ESRRG: variants seen among roughly 807,000 people sequenced by gnomAD.
The protein encoded by ESRRG is estrogen related receptor gamma, also known as estrogen-related receptor gamma.
ESRRG carries 13 observed loss-of-function variants against 44.0 expected under a neutral mutation model. The observed-to-expected ratio is 0.30, with a 90% CI of 0.19 to 0.47. The LOEUF (loss-of-function observed/expected upper bound fraction) is 0.47. ESRRG is among the 20% of genes least tolerant of loss of function. The pLI, the probability that ESRRG is intolerant of heterozygous loss-of-function variation, is 1.00. For synonymous variants in ESRRG, 215 were observed against 214.6 expected (o/e 1.00, Z -0.02); for missense variants, 395 against 580.6 (o/e 0.68, Z 3.29).
intron 3 of ESRRG, among the ~76,000 whole-genome samples, chr1:216,634,379 G>GA (rs2064859420): frequency 6.7e-6 from 1 of 149,354 alleles, no homozygotes; most frequent in South Asian, 2.1e-4. Flanking sequence ...TCTCCTGGGG[G>GA]AAAAGATGGG....
intron 1 of ESRRG, among the ~76,000 whole-genome samples, chr1:216,688,946 T>C (rs1461961233): frequency 1.3e-5 from 2 of 152,114 alleles, no homozygotes; most frequent in East Asian, 1.9e-4. Flanking sequence ...AAAACAATTA[T>C]ATATATCTTA....
intron 3 of ESRRG, among the ~76,000 whole-genome samples, chr1:216,646,660 C>T (rs2067651202): frequency 1.3e-5 from 2 of 152,168 alleles, no homozygotes; most frequent in African/African-American, 4.8e-5. Context: ...CCTGCAGTAT[C>T]TCATTGGCTA....
intron 2 of ESRRG, among the ~76,000 whole-genome samples, chr1:216,932,167 G>C (rs1486132907): frequency 6.6e-6 from 1 of 152,188 alleles, no homozygotes; most frequent in Non-Finnish European, 1.5e-5. Flanking sequence ...TTGTACCACT[G>C]CATTCCAGCT....
intron 2 of ESRRG, among the ~76,000 whole-genome samples, chr1:216,820,020 A>C (rs1308296660): frequency 6.6e-6 from 1 of 152,242 alleles, no homozygotes; most frequent in Non-Finnish European, 1.5e-5. Flanking sequence ...AGCGTTCATC[A>C]TTCCATTTAG....
rs11572395 is a variant in ESRRG, at chr1:217,077,175, G to A, written c.-106+12332C>T. ...GTGGTGGCTGAATCCATGGTTACCC[G>A]TTTTTACATTCACTAGTTAAATGGA... On this transcript the variant is annotated intron_variant, in intron 1 of 7. Transcript: ENST00000359162. Among the ~76,000 whole-genome samples, 582 of 152,240 alleles carry A rather than the reference G, an allele frequency of 3.8e-3. 6 individuals are homozygous for A. Among genetic ancestry groups the A allele is most frequent in the African/African-American group, 0.013 (536 of 41,546 alleles).
At chr1:216,511,434 AAAC>A (rs58208125) in intron 6 of ESRRG, among the ~76,000 whole-genome samples, 18 of 151,278 alleles carry the variant, frequency 1.2e-4, no homozygotes, top group South Asian at 4.2e-4. Context: ...ATGATCACAT[AAAC>A]AACAACAACA....
intron 1 of ESRRG, among the ~76,000 whole-genome samples, chr1:217,104,967 T>TG (rs781514308): frequency 8.5e-5 from 13 of 152,192 alleles, no homozygotes; most frequent in Middle Eastern, 3.4e-3. Flanking sequence ...TGAATGATCA[T>TG]GGCTAATCAT....
At chr1:217,131,631 G>A (rs1168886436) in intron 1 of ESRRG, among the ~76,000 whole-genome samples, 1 of 152,212 alleles carries the variant, frequency 6.6e-6, no homozygotes, top group African/African-American at 2.4e-5. Context: ...ATATTGGAGG[G>A]CGCAGAAGAC....
intron 1 of ESRRG, among the ~76,000 whole-genome samples, chr1:217,086,071 A>T (rs1437586580): frequency 6.6e-6 from 1 of 152,232 alleles, no homozygotes; most frequent in Non-Finnish European, 1.5e-5. Flanking sequence ...ATGAATTTTT[A>T]AAAATCACAA....
intron 2 of ESRRG, among the ~76,000 whole-genome samples, chr1:216,794,846 A>G (rs2094431649): frequency 6.6e-6 from 1 of 152,192 alleles, no homozygotes; most frequent in Non-Finnish European, 1.5e-5. Flanking sequence ...CACAAGCTAT[A>G]CCTTCAGGGA....
chr1:216,555,443 G>A (rs927971963), intron 5 of ESRRG, among the ~76,000 whole-genome samples: 1 of 151,654 alleles, frequency 6.6e-6, no homozygotes, highest in Non-Finnish European at 1.5e-5. Flanking sequence ...TAGGTACAAA[G>A]CTGGATTACC....
chr1:216,773,952 G>A (rs907768122), intron 2 of ESRRG, among the ~76,000 whole-genome samples: 1 of 152,054 alleles, frequency 6.6e-6, no homozygotes, highest in African/African-American at 2.4e-5. Flanking sequence ...ATTAAAAATA[G>A]TAAAGTGGTT....
intron 3 of ESRRG, among the ~76,000 whole-genome samples, chr1:216,624,880 T>C (rs2062900742): frequency 1.3e-5 from 2 of 152,172 alleles, no homozygotes; most frequent in African/African-American, 4.8e-5. Context: ...TTAAGTAAAT[T>C]ACTATTTCTT....
chr1:217,108,637 C>T lies in ESRRG; in HGVS notation c.-230+29030G>A, dbSNP rs367844303. Reference sequence around the variant, plus strand: ...GACTGGGTCGTTTAAAAGTGTGTGGCGCCTTCCCTCCCTCCCTCTCCCTCT... The same window carrying T: ...GACTGGGTCGTTTAAAAGTGTGTGGTGCCTTCCCTCCCTCCCTCTCCCTCT... On this transcript the variant is annotated intron_variant, in intron 1 of 8. Transcript: ENST00000366940. Among the ~76,000 whole-genome samples, 92 of 151,702 alleles carry T rather than the reference C, an allele frequency of 6.1e-4. 2 individuals are homozygous for T. In the South Asian group the frequency reaches 0.018, roughly 29 times the overall value.
At chr1:216,670,945 T>G (rs1448891119) in intron 2 of ESRRG, among the ~76,000 whole-genome samples, 1 of 152,196 alleles carries the variant, frequency 6.6e-6, no homozygotes, top group Non-Finnish European at 1.5e-5. Flanking sequence ...GAAGGTATAG[T>G]TGGTCAAATA....
At chr1:216,711,636 G>A (rs750835491) in intron 1 of ESRRG, among the ~76,000 whole-genome samples, 2 of 152,082 alleles carry the variant, frequency 1.3e-5, no homozygotes, top group South Asian at 2.1e-4. Context: ...CTAAGCAACC[G>A]CAGAAGACAT....
At chr1:217,136,242 G>T (rs148598681) in intron 1 of ESRRG, among the ~76,000 whole-genome samples, 1 of 152,306 alleles carries the variant, frequency 6.6e-6, no homozygotes, top group African/African-American at 2.4e-5. Flanking sequence ...GAGTGGGAGG[G>T]AAAGGGAAAG....
At chr1:216,564,590 CT>C (rs150591677) in intron 4 of ESRRG, among the ~76,000 whole-genome samples, 22 of 151,556 alleles carry the variant, frequency 1.5e-4, no homozygotes, top group African/African-American at 4.1e-4. Flanking sequence ...AGAATGTAGT[CT>C]TTTTTTTTCT....
intron 1 of ESRRG, among the ~76,000 whole-genome samples, chr1:217,081,530 A>C (rs899856193): frequency 5.9e-5 from 9 of 152,126 alleles, no homozygotes; most frequent in Non-Finnish European, 1.0e-4. Context: ...CCAGGCCAAA[A>C]ATATTCCTAA....
Sources: allele counts gnomAD v4.1 joint callset (sites outside exome capture counted in the v4.1 genomes callset), GRCh38; gene constraint gnomAD v4.1.1; transcripts MANE v1.5; gene names NCBI Gene and HGNC (gene_info 2026-07-23, HGNC 2026-07-21).